STAB2: variants seen among roughly 807,000 people sequenced by gnomAD.
The protein encoded by STAB2 is stabilin-2.
A neutral mutation model predicts 338.1 loss-of-function variants in STAB2; 288 were observed. That is an observed-to-expected ratio of 0.85 (90% CI 0.77 to 0.94). The LOEUF is 0.94. STAB2 is among the 40% of genes least tolerant of loss of function. The pLI is 0.00. For synonymous variants in STAB2, 1,202 were observed against 1,193.3 expected, an observed-to-expected ratio of 1.01 and a Z score of -0.15; for missense variants, 3,141 against 3,210.1, an observed-to-expected ratio of 0.98 and a Z score of 0.52.
intron 3 of STAB2, among the ~76,000 whole-genome samples, chr12:103,618,868 A>G (rs1957252543): frequency 1.3e-5 from 2 of 152,066 alleles, no homozygotes; most frequent in South Asian, 4.2e-4. Context: ...CTCACGTGTC[A>G]TGGGAGGGAC....
intron 49 of STAB2, 143 bp from the exon 50 acceptor site, chr12:103,731,433 A>C: frequency 2.7e-6 from 2 of 729,452 alleles, no homozygotes; most frequent in Non-Finnish European, 4.4e-6. Context: ...CGTGGTCAGA[A>C]GAGAGTTGGA....
chr12:103,628,400 A>G (rs1017816844), intron 5 of STAB2, among the ~76,000 whole-genome samples: 3 of 152,238 alleles, frequency 2.0e-5, no homozygotes, highest in African/African-American at 7.2e-5. Context: ...GGAGGCATCA[A>G]AAAAACTCAG....
intron 52 of STAB2, among the ~76,000 whole-genome samples, chr12:103,736,516 T>C (rs1882136430): frequency 6.6e-6 from 1 of 152,176 alleles, no homozygotes; most frequent in Non-Finnish European, 1.5e-5. Context: ...GTGTGCACTC[T>C]TGGGATTGTC....
intron 27 of STAB2, among the ~76,000 whole-genome samples, chr12:103,685,422 CTGTGTGTGTGTG>C (rs141365936): frequency 0.057 from 8,360 of 145,880 alleles, 690 homozygotes; most frequent in African/African-American, 0.19. Flanking sequence ...CTTACCCATG[CTGTGTGTGTGTG>C]TGTGTGTGTG....
intron 64 of STAB2, 134 bp from the exon 65 acceptor site, chr12:103,758,999 C>T (rs1884341697): frequency 6.9e-7 from 1 of 1,457,386 alleles, no homozygotes; most frequent in African/African-American, 1.4e-5. Flanking sequence ...AAAACCTTGA[C>T]ATTTCCTGAT....
intron 42 of STAB2, among the ~76,000 whole-genome samples, chr12:103,714,707 T>C (rs1880164909): frequency 6.6e-6 from 1 of 152,044 alleles, no homozygotes; most frequent in African/African-American, 2.4e-5. Flanking sequence ...AAAAAACCAT[T>C]TAGCCCTGTT....
chr12:103,628,983 C>T (rs1030584016), intron 5 of STAB2, among the ~76,000 whole-genome samples: 8 of 152,206 alleles, frequency 5.3e-5, no homozygotes, highest in African/African-American at 1.9e-4. Flanking sequence ...CCCTGCCAGA[C>T]AATGTCTTTA....
intron 35 of STAB2, among the ~76,000 whole-genome samples, chr12:103,703,673 G>A (rs1879099451): frequency 6.6e-6 from 1 of 152,182 alleles, no homozygotes; most frequent in African/African-American, 2.4e-5. Flanking sequence ...TATGGGCCAA[G>A]CCTGCTCTAC....
rs764770223 is a variant in STAB2 at position 103,726,189 on chromosome 12, C to T, written c.4851+26C>T. On this transcript the variant is annotated intron_variant, in intron 46 of 68. Coordinates refer to ENST00000388887, the MANE Select transcript of STAB2 (RefSeq NM_017564.10). ...GTAGGAAATATACATGTCTGTCTAGCCATAAGAGTTCAGCCTAGGCCAGGT... is the reference window on the plus strand; with the variant it reads ...GTAGGAAATATACATGTCTGTCTAGTCATAAGAGTTCAGCCTAGGCCAGGT... The T allele has an allele frequency of 8.7e-6, 14 of 1,613,212 alleles. No individual in the cohort carries two copies. In the South Asian group the frequency reaches 1.5e-4, roughly 18 times the overall value.
chr12:103,652,529 A>G, intron 11 of STAB2, 27 bp from the exon 12 acceptor site: 1 of 1,532,304 alleles, frequency 6.5e-7, no homozygotes, highest in South Asian at 1.3e-5. Flanking sequence ...TCTTCAAATA[A>G]TAGTAAAATT....
chr12:103,743,998 G>C (rs1308293287), intron 56 of STAB2, among the ~76,000 whole-genome samples: 1 of 152,202 alleles, frequency 6.6e-6, no homozygotes, highest in African/African-American at 2.4e-5. Flanking sequence ...ATGGCTCTGG[G>C]GAGGGTATCT....
chr12:103,678,963 G>T lies in STAB2; in HGVS notation c.2805+1352G>T, dbSNP rs1044956699. ...CATCGGTCCTGCGGGCCAGTGCAGG[G>T]CTGGACACTTGTGCAGAGACAGTCA... On this transcript the variant is annotated intron_variant, in intron 25 of 68. Coordinates refer to ENST00000388887, the MANE Select transcript of STAB2 (RefSeq NM_017564.10). 2.6e-5 allele frequency among the ~76,000 whole-genome samples: 4 copies of T among 152,316 alleles called. No individual in the cohort carries two copies. In the East Asian group the frequency reaches 5.8e-4, roughly 22 times the overall value.
Position 103,746,609 on chromosome 12 carries a change from T to C in STAB2, c.6149T>C (p.Val2050Ala). 6.2e-7 allele frequency: 1 copy of C among 1,614,094 alleles called. No homozygotes were observed. ...CCTTTCTTTGCAGTTTTGCCTGCAGTGTGTACGCCTCCTTGTTCTGCTCAT... is the reference window on the plus strand; with the variant it reads ...CCTTTCTTTGCAGTTTTGCCTGCAGCGTGTACGCCTCCTTGTTCTGCTCAT... Reference protein sequence around the residue: ...SCDTQAVLPAVCTPPCSAHAT... With the variant: ...SCDTQAVLPAACTPPCSAHAT... The change falls in exon 58 of 69, where the codon GTG (valine) becomes GCG (alanine). Residue 2050 changes from valine (V) to alanine (A), a missense_variant. Transcript: ENST00000388887.
intron 14 of STAB2, 61 bp from the exon 15 acceptor site, chr12:103,655,395 A>T: frequency 1.2e-6 from 2 of 1,603,906 alleles, no homozygotes; most frequent in South Asian, 2.2e-5. Flanking sequence ...TTTCTGGCGA[A>T]TTATGTTAAA....
chr12:103,591,972 G>A (rs1233774239), intron 2 of STAB2: 1 of 151,960 alleles, frequency 6.6e-6, no homozygotes, highest in Non-Finnish European at 1.5e-5. Flanking sequence ...TGCATGAAAT[G>A]AAATCTTAAC....
intron 43 of STAB2, 35 bp from the exon 44 acceptor site, chr12:103,717,735 G>A: frequency 6.2e-7 from 1 of 1,611,020 alleles, no homozygotes; most frequent in Non-Finnish European, 8.5e-7. Flanking sequence ...GAACCCACCT[G>A]CAAAATGACC....
intron 3 of STAB2, among the ~76,000 whole-genome samples, chr12:103,618,157 A>C (rs1031217168): frequency 1.3e-5 from 2 of 152,222 alleles, no homozygotes; most frequent in East Asian, 1.9e-4. Flanking sequence ...CCCAAAATTC[A>C]TATGTTCATA....
At chr12:103,705,512 C>G in intron 36 of STAB2, 120 bp from the exon 37 acceptor site, 1 of 760,456 alleles carries the variant, frequency 1.3e-6, no homozygotes, top group Non-Finnish European at 2.2e-6. Flanking sequence ...AAGCCACCAC[C>G]TTCTCTTCCC....
chr12:103,684,871 C>A (rs1877252739), intron 26 of STAB2, 118 bp from the exon 27 acceptor site: 3 of 857,780 alleles, frequency 3.5e-6, no homozygotes, highest in Middle Eastern at 2.3e-4. Flanking sequence ...TTACTTCTAC[C>A]ATCTTTCAGC....
Sources: gnomAD v4.1 joint callset for allele counts (sites outside exome capture counted in the v4.1 genomes callset) on GRCh38, gnomAD v4.1.1 for gene constraint, MANE v1.5 for transcripts, NCBI Gene and HGNC (gene_info 2026-07-23, HGNC 2026-07-21) for gene names.